The following RELN variants were observed in gnomAD, a reference collection of about 807,000 sequenced individuals.
RELN encodes the protein reelin.
Under a neutral mutation model 427.6 loss-of-function variants are expected in RELN, and 108 were observed. That is an observed-to-expected ratio of 0.25 (90% CI 0.22 to 0.30). The LOEUF (loss-of-function observed/expected upper bound fraction) is 0.30. Ranked by LOEUF, RELN falls within the 10% of genes least tolerant of loss-of-function variation. The pLI, the probability that RELN is intolerant of heterozygous loss-of-function variation, is 1.00. For missense variants in RELN, 3,715 were observed against 4,302.8 expected, an observed-to-expected ratio of 0.86 and a Z score of 3.82; for synonymous variants, 1,524 against 1,513.4, an observed-to-expected ratio of 1.01 and a Z score of -0.16.
intron 8 of RELN, among the ~76,000 whole-genome samples, chr7:103,703,378 C>T (rs995651851): frequency 2.0e-5 from 3 of 152,186 alleles, no homozygotes; most frequent in Non-Finnish European, 4.4e-5. Flanking sequence ...GCAGAATAAG[C>T]TCTGTTCTTG....
rs755831005 is a variant in RELN, at chr7:103,940,300, T to C, written c.227-23115A>G. On this transcript the variant is annotated intron_variant, in intron 1 of 64. Coordinates refer to ENST00000428762, the MANE Select transcript of RELN (RefSeq NM_005045.4). ...ATCTGTAAAAGAGGGTTACTGTGAT[T>C]CAGGAATTAAATAAAACGATTTATA... Among the ~76,000 whole-genome samples the C allele has an allele frequency of 1.9e-4, 29 of 152,174 alleles. 1 individual carries two copies. The highest frequency in any genetic ancestry group is 3.4e-4 in the Non-Finnish European group (23 of 68,034).
At chr7:103,536,222 G>A (rs1830047309) in intron 45 of RELN, among the ~76,000 whole-genome samples, 1 of 152,180 alleles carries the variant, frequency 6.6e-6, no homozygotes, top group Admixed American at 6.5e-5. Context: ...CACGGAATAT[G>A]TGCCAATGCA....
chr7:103,890,664 G>A (rs1794827238), intron 2 of RELN, among the ~76,000 whole-genome samples: 1 of 152,048 alleles, frequency 6.6e-6, no homozygotes, highest in Non-Finnish European at 1.5e-5. Context: ...CAATTAAGGG[G>A]GACACCAGGG....
At chr7:103,809,403 G>C (rs1017580901) in intron 3 of RELN, among the ~76,000 whole-genome samples, 1 of 152,146 alleles carries the variant, frequency 6.6e-6, no homozygotes, top group Non-Finnish European at 1.5e-5. Flanking sequence ...CAGCGGGAGA[G>C]AGAGAGGGAA....
At chr7:103,811,908 A>T (rs1792752515) in intron 3 of RELN, among the ~76,000 whole-genome samples, 1 of 152,208 alleles carries the variant, frequency 6.6e-6, no homozygotes, top group Non-Finnish European at 1.5e-5. Flanking sequence ...GAATCTATCC[A>T]ATGAATGATA....
rs1396487341 is a variant in RELN at position 103,968,569 on chromosome 7, G to C, written c.226+20562C>G. ...AAGAAATTAGATCTCCTCAATGAGAGATCCAAGAAGACAAAGGATATTACT... is the reference window on the plus strand; with the variant it reads ...AAGAAATTAGATCTCCTCAATGAGACATCCAAGAAGACAAAGGATATTACT... On this transcript the variant is annotated intron_variant, in intron 1 of 64. Coordinates refer to ENST00000428762, the MANE Select transcript of RELN (RefSeq NM_005045.4). The surrounding 1 kb of genome is among the most constrained non-coding windows in gnomAD (Gnocchi z 4.3). 6.6e-6 allele frequency among the ~76,000 whole-genome samples: 1 copy of C among 152,136 alleles called. No individual in the cohort carries two copies. The highest frequency in any genetic ancestry group is 6.6e-5 in the Admixed American group (1 of 15,264).
At chr7:103,830,691 C>G (rs1793253659) in intron 3 of RELN, among the ~76,000 whole-genome samples, 1 of 151,932 alleles carries the variant, frequency 6.6e-6, no homozygotes, top group Non-Finnish European at 1.5e-5. Flanking sequence ...GAATTTAGTT[C>G]AGAAAATTTC....
intron 10 of RELN, among the ~76,000 whole-genome samples, chr7:103,689,097 G>A (rs1833820145): frequency 6.6e-6 from 1 of 152,030 alleles, no homozygotes; most frequent in Admixed American, 6.6e-5. Flanking sequence ...AAAATAAAAT[G>A]TCTTTTAAAT....
At chr7:103,983,072 G>A (rs1797024588) in intron 1 of RELN, among the ~76,000 whole-genome samples, 1 of 152,140 alleles carries the variant, frequency 6.6e-6, no homozygotes, top group South Asian at 2.1e-4. Flanking sequence ...AACTCAGAAC[G>A]CTTGTAACTA....
intron 6 of RELN, among the ~76,000 whole-genome samples, chr7:103,731,446 T>C (rs995910643): frequency 6.6e-6 from 1 of 152,092 alleles, no homozygotes; most frequent in Non-Finnish European, 1.5e-5. Context: ...ACAGAAGCTC[T>C]ACAAACAATG....
At chr7:103,845,305 C>T (rs1473723818) in intron 2 of RELN, among the ~76,000 whole-genome samples, 1 of 152,106 alleles carries the variant, frequency 6.6e-6, no homozygotes, top group African/African-American at 2.4e-5. Flanking sequence ...ATTCTCAGGC[C>T]TCAGTCACCT....
chr7:103,650,393 A>T lies in RELN; in HGVS notation c.1893-10T>A. On this transcript the variant is annotated splice_polypyrimidine_tract_variant and intron_variant, in intron 15 of 64. Coordinates refer to ENST00000428762, the MANE Select transcript of RELN (RefSeq NM_005045.4). ...TGTTATTCGGTTCCACCTGCAAGAAATTTAGCACAAAACCATCTTCACAAC... is the reference window on the plus strand; with the variant it reads ...TGTTATTCGGTTCCACCTGCAAGAATTTTAGCACAAAACCATCTTCACAAC... The T allele has an allele frequency of 6.6e-7, 1 of 1,521,346 alleles. No individual in the cohort carries two copies. The highest frequency in any genetic ancestry group is 9.1e-7 in the Non-Finnish European group (1 of 1,095,780). 94.2% of individuals were successfully genotyped at this position (1,521,346 alleles called of 1,614,324 possible). A position where few individuals can be genotyped will look rare whatever the true frequency, so the allele number is the denominator to read the frequency against.
intron 1 of RELN, among the ~76,000 whole-genome samples, chr7:103,955,007 T>C (rs1796405276): frequency 1.3e-5 from 2 of 152,220 alleles, no homozygotes; most frequent in Admixed American, 1.3e-4. Context: ...TTTTAGCTAA[T>C]GCCAGATCAT....
intron 1 of RELN, among the ~76,000 whole-genome samples, chr7:103,958,009 G>A (rs58503881): frequency 0.088 from 13,444 of 152,104 alleles, 1,195 homozygotes; most frequent in African/African-American, 0.21. Flanking sequence ...CCCTTTGGCA[G>A]ACCCCACCTC....
At chr7:103,718,298 C>T (rs1486662112) in intron 8 of RELN, among the ~76,000 whole-genome samples, 1 of 147,248 alleles carries the variant, frequency 6.8e-6, no homozygotes, top group Non-Finnish European at 1.5e-5. Flanking sequence ...TGACTTCCTT[C>T]TGTCTTGAAA....
intron 8 of RELN, among the ~76,000 whole-genome samples, chr7:103,704,525 T>C (rs1459552024): frequency 6.6e-6 from 1 of 152,066 alleles, no homozygotes; most frequent in African/African-American, 2.4e-5. Context: ...TAATCAAAGG[T>C]TAATTTCCTC....
intron 3 of RELN, among the ~76,000 whole-genome samples, chr7:103,788,248 A>C (rs1218818676): frequency 6.6e-6 from 1 of 152,210 alleles, no homozygotes; most frequent in South Asian, 2.1e-4. Flanking sequence ...AATGGGCAAA[A>C]ACTGGAAGCA....
At chr7:103,892,483 A>G (rs925777898) in intron 2 of RELN, among the ~76,000 whole-genome samples, 2 of 152,176 alleles carry the variant, frequency 1.3e-5, no homozygotes, top group African/African-American at 4.8e-5. Flanking sequence ...ATTTCATACA[A>G]TTCTTCCCCA....
intron 2 of RELN, among the ~76,000 whole-genome samples, chr7:103,847,978 A>G (rs1793722163): frequency 6.6e-6 from 1 of 152,188 alleles, no homozygotes; most frequent in Admixed American, 6.5e-5. Context: ...AGAATAAAAT[A>G]TTTGATAAAA....
Sources: gnomAD v4.1 joint callset for allele counts (sites outside exome capture counted in the v4.1 genomes callset) on GRCh38, gnomAD v4.1.1 for gene constraint, Gnocchi (gnomAD v3.1) non-coding constraint, MANE v1.5 for transcripts, NCBI Gene and HGNC (gene_info 2026-07-23, HGNC 2026-07-21) for gene names.